The following TBC1D32 variants were observed in gnomAD, a reference collection of about 807,000 sequenced individuals.
The protein encoded by TBC1D32 is TBC1 domain family member 32.
Under a neutral mutation model 170.3 loss-of-function variants are expected in TBC1D32, and 151 were observed. The observed-to-expected ratio is 0.89, with a 90% CI of 0.78 to 1.01. The LOEUF is 1.01. Ranked by LOEUF, TBC1D32 falls within the 50% of genes least tolerant of loss-of-function variation. TBC1D32 has a pLI of 0.00. For synonymous variants in TBC1D32, 498 were observed against 488.0 expected (o/e 1.02, Z -0.27); for missense variants, 1,464 against 1,457.1 (o/e 1.00, Z -0.08).
chr6:121,159,432 G>C (rs1421033277), intron 24 of TBC1D32, among the ~76,000 whole-genome samples: 1 of 152,056 alleles, frequency 6.6e-6, no homozygotes, highest in Non-Finnish European at 1.5e-5. Flanking sequence ...AACAGCTGTT[G>C]CTACTGGACA....
chr6:121,314,803 T>C (rs1029470378), intron 3 of TBC1D32, among the ~76,000 whole-genome samples: 1 of 152,198 alleles, frequency 6.6e-6, no homozygotes, highest in Non-Finnish European at 1.5e-5. Flanking sequence ...TGAAATTATA[T>C]AGGACCACAG....
At chr6:121,211,987 C>A (rs1404951780) in intron 21 of TBC1D32, among the ~76,000 whole-genome samples, 1 of 97,346 alleles carries the variant, frequency 1.0e-5, no homozygotes, top group Non-Finnish European at 2.1e-5. Flanking sequence ...AATGAATGAA[C>A]AAACACAACA....
At chr6:121,288,101 G>A (rs1225449119) in intron 12 of TBC1D32, among the ~76,000 whole-genome samples, 3 of 152,072 alleles carry the variant, frequency 2.0e-5, no homozygotes, top group Non-Finnish European at 4.4e-5. Flanking sequence ...AACTAGAGAA[G>A]CAAGAGCAAA....
At chr6:121,202,927 T>C (rs977456055) in intron 22 of TBC1D32, among the ~76,000 whole-genome samples, 4 of 151,414 alleles carry the variant, frequency 2.6e-5, no homozygotes, top group Non-Finnish European at 5.9e-5. Context: ...AAATAAGTTG[T>C]ACCAAGCATT....
At chr6:121,170,366 G>A in intron 22 of TBC1D32, 1 of 1,532,796 alleles carries the variant, frequency 6.5e-7, no homozygotes, top group South Asian at 1.3e-5. Flanking sequence ...CATCTCTAAA[G>A]AAAACTGCTG....
chr6:121,221,496 G>C (rs541607134), intron 21 of TBC1D32, among the ~76,000 whole-genome samples: 1 of 152,326 alleles, frequency 6.6e-6, no homozygotes, highest in African/African-American at 2.4e-5. Flanking sequence ...TCTGGGCAAA[G>C]TAAATTGAAA....
intron 5 of TBC1D32, among the ~76,000 whole-genome samples, 173 bp from the exon 6 acceptor site, chr6:121,305,006 T>C (rs1807110130): frequency 6.6e-6 from 1 of 151,968 alleles, no homozygotes; most frequent in African/African-American, 2.4e-5. Context: ...TCAGCAAAAA[T>C]TAAAACTGAC....
intron 24 of TBC1D32, among the ~76,000 whole-genome samples, chr6:121,158,140 T>C (rs1785146925): frequency 1.3e-5 from 2 of 150,636 alleles, no homozygotes; most frequent in Admixed American, 6.7e-5. Flanking sequence ...AAATGAGTCA[T>C]AGATTTGGTC....
chr6:121,281,584 G>A lies in TBC1D32; in HGVS notation c.1568C>T (p.Thr523Ile), dbSNP rs764660976. The A allele has an allele frequency of 1.2e-6, 2 of 1,606,096 alleles. No homozygotes were observed. The highest frequency in any genetic ancestry group is 1.3e-5 in the African/African-American group (1 of 74,628). ...TAAATTGTGAATAGGCTGAAGAAGT[G>A]TCTCTATTACAATGTTGTTATATAA... ...ECLYNNIVIE[T>I]LLQPIHNLMK... Residue 523 changes from threonine (T) to isoleucine (I), a missense_variant, in exon 14 of 32, where the codon ACA becomes ATA. Thr to Ile is a moderately conservative substitution (Grantham distance 89). Transcript: ENST00000398212.
rs572262995 is a variant in TBC1D32 at position 121,211,481 on chromosome 6, T to C, written c.2482-6318A>G. Among the ~76,000 whole-genome samples the C allele has an allele frequency of 8.5e-5, 13 of 152,238 alleles. No homozygotes were observed. In the East Asian group the frequency reaches 2.3e-3, roughly 27 times the overall value. On this transcript the variant is annotated intron_variant, in intron 21 of 31. Transcript: ENST00000398212. ...CTCACCCCTCTCCTATCCTTTCCCA[T>C]TGAGTCCCCCAAGTCCACTGTATCA...
chr6:121,193,420 C>T (rs931182712), intron 22 of TBC1D32, among the ~76,000 whole-genome samples: 2 of 152,184 alleles, frequency 1.3e-5, no homozygotes, highest in African/African-American at 4.8e-5. Flanking sequence ...AGAAGATACA[C>T]CCTTGACCAC....
chr6:121,197,191 G>A (rs1053152295), intron 22 of TBC1D32, among the ~76,000 whole-genome samples: 2 of 152,146 alleles, frequency 1.3e-5, no homozygotes, highest in Admixed American at 6.5e-5. Context: ...GAGTATGTAC[G>A]GAATACAGGA....
rs924811332 is a variant in TBC1D32, at chr6:121,092,475, T to C, written c.3466-1434A>G. Among the ~76,000 whole-genome samples the C allele has an allele frequency of 2.2e-4, 33 of 152,044 alleles. 1 individual carries two copies. Among genetic ancestry groups the C allele is most frequent in the Admixed American group, 2.2e-3 (33 of 15,242 alleles). On this transcript the variant is annotated intron_variant, in intron 30 of 31. Coordinates refer to ENST00000398212, the MANE Select transcript of TBC1D32 (RefSeq NM_152730.6). ...TGAAAAGGTTCTAAAAGTTGTTTTT[T>C]ATATCCTTGATTCAACCTTTTGGCA...
chr6:121,304,229 T>A, intron 8 of TBC1D32, 136 bp downstream of exon 8: 2 of 672,074 alleles, frequency 3.0e-6, no homozygotes, highest in Non-Finnish European at 2.4e-6. Context: ...TGAAGAAAAA[T>A]AAAAATAAAA....
intron 26 of TBC1D32, among the ~76,000 whole-genome samples, chr6:121,122,832 G>A (rs1299254350): frequency 1.3e-5 from 2 of 152,034 alleles, no homozygotes; most frequent in Admixed American, 6.6e-5. Context: ...GGGACAGGGG[G>A]TAGTTGGGAG....
At chr6:121,273,449 T>C (rs1434404455) in intron 15 of TBC1D32, among the ~76,000 whole-genome samples, 3 of 151,576 alleles carry the variant, frequency 2.0e-5, no homozygotes, top group South Asian at 2.1e-4. Context: ...ATGAGAACAC[T>C]TGGACACAGG....
intron 21 of TBC1D32, among the ~76,000 whole-genome samples, chr6:121,216,028 A>G (rs1793779913): frequency 1.3e-5 from 2 of 152,216 alleles, no homozygotes; most frequent in Admixed American, 6.5e-5. Context: ...CTGAGTGTCA[A>G]CTTGTTGAAT....
At chr6:121,115,274 C>A (rs7772283) in intron 26 of TBC1D32, 33 bp from the exon 27 acceptor site, 1 of 1,483,032 alleles carries the variant, frequency 6.7e-7, no homozygotes, top group Non-Finnish European at 9.1e-7. Context: ...TTATAAAGTG[C>A]AGAAAAGTTT....
At chr6:121,259,229 TG>T (rs1799447725) in intron 15 of TBC1D32, among the ~76,000 whole-genome samples, 2 of 151,632 alleles carry the variant, frequency 1.3e-5, no homozygotes, top group African/African-American at 4.8e-5. Flanking sequence ...ACCCAGGAGG[TG>T]GAGGTTGCAG....
Sources: allele counts gnomAD v4.1 joint callset (sites outside exome capture counted in the v4.1 genomes callset), GRCh38; gene constraint gnomAD v4.1.1; transcripts MANE v1.5; gene names NCBI Gene and HGNC (gene_info 2026-07-23, HGNC 2026-07-21).